Variants in CDH10 observed in about 807,000 individuals in gnomAD.
CDH10 encodes the protein cadherin-10.
Under a neutral mutation model 73.1 loss-of-function variants are expected in CDH10, and 30 were observed. The observed-to-expected ratio is 0.41, with a 90% CI of 0.31 to 0.56. The LOEUF (loss-of-function observed/expected upper bound fraction) is 0.56, where lower values mean the gene tolerates loss of function less well. Among genes scored for constraint, CDH10 ranks in the 20% least tolerant of loss-of-function variants. The pLI is 0.27. For missense variants in CDH10, 815 were observed against 973.7 expected, an observed-to-expected ratio of 0.84 and a Z score of 2.17; for synonymous variants, 345 against 348.2, an observed-to-expected ratio of 0.99 and a Z score of 0.10.
intron 8 of CDH10, 106 bp downstream of exon 8, chr5:24,505,006 A>T: frequency 1.2e-6 from 1 of 800,296 alleles, no homozygotes; most frequent in Non-Finnish European, 1.9e-6. Flanking sequence ...AATGAGAATG[A>T]ATTATTTTTA....
chr5:24,561,515 C>T (rs1505886), intron 2 of CDH10, among the ~76,000 whole-genome samples: 125,982 of 152,022 alleles, frequency 0.83, 52,233 homozygotes, highest in East Asian at 0.9. Context: ...AGCCATCGTT[C>T]GCGACCCTAC....
chr5:24,638,380 C>T (rs912983692), intron 1 of CDH10, among the ~76,000 whole-genome samples: 21 of 151,578 alleles, frequency 1.4e-4, no homozygotes, highest in African/African-American at 4.8e-4. Context: ...GGGGGGAAGT[C>T]ACTTCTTTAG....
chr5:24,554,519 T>C (rs62349585), intron 2 of CDH10, among the ~76,000 whole-genome samples: 99,940 of 148,906 alleles, frequency 0.67, 33,377 homozygotes, highest in East Asian at 0.78. Flanking sequence ...TGTGTGTGTG[T>C]GCACGTGCAT....
intron 11 of CDH10, 114 bp from the exon 12 acceptor site, chr5:24,488,267 T>G (rs1741920019): frequency 4.4e-6 from 4 of 905,906 alleles, no homozygotes; most frequent in Non-Finnish European, 6.5e-6. Context: ...AGCTTAGACT[T>G]TCAGATTAAT....
chr5:24,608,957 T>A (rs1019566576), intron 1 of CDH10, among the ~76,000 whole-genome samples: 10 of 152,220 alleles, frequency 6.6e-5, no homozygotes, highest in Non-Finnish European at 1.5e-4. Flanking sequence ...TTCTTTGAGC[T>A]GGAGGCTTTG....
chr5:24,563,310 C>A (rs1745028526), intron 2 of CDH10, among the ~76,000 whole-genome samples: 1 of 151,978 alleles, frequency 6.6e-6, no homozygotes, highest in African/African-American at 2.4e-5. Context: ...AGAAACGGTG[C>A]TATGTTCTTT....
intron 2 of CDH10, among the ~76,000 whole-genome samples, chr5:24,539,516 T>G (rs138031949): frequency 1.3e-5 from 2 of 152,144 alleles, no homozygotes; most frequent in East Asian, 3.9e-4. Context: ...AAGTAGTAAT[T>G]AGCACCTAGC....
intron 1 of CDH10, among the ~76,000 whole-genome samples, chr5:24,619,512 A>C (rs375008444): frequency 1.4e-4 from 21 of 152,072 alleles, no homozygotes; most frequent in African/African-American, 4.6e-4. Context: ...TGATATTTAG[A>C]TTAGACATTG....
intron 2 of CDH10, among the ~76,000 whole-genome samples, chr5:24,553,433 A>G (rs1744623212): frequency 6.6e-6 from 1 of 151,962 alleles, no homozygotes; most frequent in African/African-American, 2.4e-5. Context: ...ATTCCTGTTT[A>G]TTAGATATTC....
intron 1 of CDH10, chr5:24,609,647 G>T (rs538457852): frequency 6.6e-6 from 1 of 152,318 alleles, no homozygotes; most frequent in East Asian, 1.9e-4. Context: ...GTGTATTGAA[G>T]GACTAGCTAC....
At chr5:24,576,785 T>C (rs1020315403) in intron 2 of CDH10, among the ~76,000 whole-genome samples, 1 of 152,070 alleles carries the variant, frequency 6.6e-6, no homozygotes, top group African/African-American at 2.4e-5. Context: ...GGCAGTCCCT[T>C]AAGAGTGGAC....
chr5:24,639,305 A>G (rs1398964691), intron 1 of CDH10, among the ~76,000 whole-genome samples: 1 of 151,656 alleles, frequency 6.6e-6, no homozygotes, highest in Admixed American at 6.6e-5. Context: ...GAGTGGAGCT[A>G]TATTTTTACG....
chr5:24,598,545 A>T (rs1446237358), intron 1 of CDH10, among the ~76,000 whole-genome samples: 4 of 152,040 alleles, frequency 2.6e-5, no homozygotes, highest in Non-Finnish European at 5.9e-5. Flanking sequence ...TCCTAAAAAA[A>T]AAAAAAAGGT....
At chr5:24,639,455 T>C (rs1475365383) in intron 1 of CDH10, among the ~76,000 whole-genome samples, 1 of 151,762 alleles carries the variant, frequency 6.6e-6, no homozygotes. Flanking sequence ...ACTTTAATTC[T>C]TGTATTTATA....
In CDH10 at chr5:24,560,241, TGTGTGTGTG is replaced by T. The variant is rs1242901119; in HGVS notation, c.232-22576_232-22568del. Among the ~76,000 whole-genome samples, 103 of 151,314 alleles carry T rather than the reference TGTGTGTGTG, an allele frequency of 6.8e-4. 1 individual carries two copies. The highest frequency in any genetic ancestry group is 1.3e-3 in the Non-Finnish European group (89 of 67,710). On this transcript the variant is annotated intron_variant, in intron 2 of 11. Coordinates refer to ENST00000264463, the MANE Select transcript of CDH10 (RefSeq NM_006727.5). ...GTGTGTGTGTGTGTGTGTGTGTGTG[TGTGTGTGTG>T]TTTCAACATTCTACACATTTCCTCT...
intron 5 of CDH10, among the ~76,000 whole-genome samples, chr5:24,519,453 A>C (rs1180795218): frequency 6.6e-6 from 1 of 152,166 alleles, no homozygotes; most frequent in Non-Finnish European, 1.5e-5. Context: ...TAAAGAGAAG[A>C]AGATAGTTTC....
At chr5:24,507,530 G>T (rs111606387) in intron 7 of CDH10, among the ~76,000 whole-genome samples, 2 of 151,702 alleles carry the variant, frequency 1.3e-5, no homozygotes, top group African/African-American at 4.8e-5. Context: ...GTCCATAGGA[G>T]GATTTAAATT....
intron 2 of CDH10, among the ~76,000 whole-genome samples, chr5:24,562,303 A>G (rs1396432723): frequency 6.6e-6 from 1 of 152,108 alleles, no homozygotes; most frequent in African/African-American, 2.4e-5. Context: ...TATGTCAAGA[A>G]GTATTATCTC....
At chr5:24,594,353 G>A (rs1242707301) in intron 1 of CDH10, among the ~76,000 whole-genome samples, 2 of 151,832 alleles carry the variant, frequency 1.3e-5, no homozygotes, top group African/African-American at 4.8e-5. Flanking sequence ...CCTACTGACT[G>A]TTCTCTACAC....
Sources: gnomAD v4.1 joint callset for allele counts (sites outside exome capture counted in the v4.1 genomes callset) on GRCh38, gnomAD v4.1.1 for gene constraint, MANE v1.5 for transcripts, NCBI Gene and HGNC (gene_info 2026-07-23, HGNC 2026-07-21) for gene names.